MGMT: variants seen among roughly 807,000 people sequenced by gnomAD.
MGMT encodes methylated-DNA--protein-cysteine methyltransferase.
In MGMT, 14 loss-of-function variants were observed where a neutral mutation model predicts 15.9. That is an observed-to-expected ratio of 0.88 (90% confidence interval 0.58 to 1.37). MGMT has a LOEUF of 1.37. Among genes scored for constraint, MGMT ranks in the 40% most tolerant of loss-of-function variants. MGMT has a pLI of 0.00. For missense variants in MGMT, 282 were observed against 268.1 expected, an observed-to-expected ratio of 1.05 and a Z score of -0.36; for synonymous variants, 130 against 118.2, an observed-to-expected ratio of 1.10 and a Z score of -0.65.
intron 2 of MGMT, among the ~76,000 whole-genome samples, chr10:129,637,155 C>T (rs1274228023): frequency 6.6e-6 from 1 of 152,196 alleles, no homozygotes; most frequent in African/African-American, 2.4e-5. Context: ...GTGGAGTTCA[C>T]ACCTCTTAAT....
intron 3 of MGMT, among the ~76,000 whole-genome samples, chr10:129,746,163 C>G (rs1342679267): frequency 6.6e-6 from 1 of 150,442 alleles, no homozygotes; most frequent in Non-Finnish European, 1.5e-5. Flanking sequence ...GGCGTGAACC[C>G]GGGAGGCAGA....
At chr10:129,494,739 C>T (rs572201247) in intron 1 of MGMT, among the ~76,000 whole-genome samples, 9 of 152,306 alleles carry the variant, frequency 5.9e-5, no homozygotes, top group East Asian at 1.9e-4. Flanking sequence ...CCAGTCTAGA[C>T]GGATATGATG....
chr10:129,674,286 A>T (rs1242199938), intron 2 of MGMT, among the ~76,000 whole-genome samples: 1 of 151,814 alleles, frequency 6.6e-6, no homozygotes, highest in Non-Finnish European at 1.5e-5. Flanking sequence ...AAAAAAAAAA[A>T]TAGTATAAAC....
At chr10:129,550,993 G>A (rs555252800) in intron 2 of MGMT, among the ~76,000 whole-genome samples, 3 of 152,244 alleles carry the variant, frequency 2.0e-5, no homozygotes, top group Non-Finnish European at 2.9e-5. Flanking sequence ...GCACTTCTTC[G>A]TCAGGACATG....
At chr10:129,707,811 G>A (rs911317576) in intron 2 of MGMT, 84 bp from the exon 3 acceptor site, 146 of 1,572,812 alleles carry the variant, frequency 9.3e-5, no homozygotes, top group Middle Eastern at 2.3e-4. Flanking sequence ...GTGTTTGCCC[G>A]TTTAGATGCA....
intron 2 of MGMT, among the ~76,000 whole-genome samples, chr10:129,633,658 C>T (rs902464705): frequency 6.6e-6 from 1 of 152,082 alleles, no homozygotes; most frequent in African/African-American, 2.4e-5. Flanking sequence ...TCTCACAGCC[C>T]CCAGATAAGT....
intron 3 of MGMT, among the ~76,000 whole-genome samples, chr10:129,740,088 G>A (rs370887872): frequency 7.2e-5 from 11 of 152,316 alleles, no homozygotes; most frequent in East Asian, 3.9e-4. Context: ...GTATTTTCTC[G>A]TTAGCAGAGC....
intron 2 of MGMT, among the ~76,000 whole-genome samples, chr10:129,687,344 A>G (rs961024070): frequency 2.0e-5 from 3 of 151,980 alleles, no homozygotes; most frequent in Non-Finnish European, 4.4e-5. Flanking sequence ...CCGACGTATC[A>G]CCCAAAGTTC....
At chr10:129,594,832 G>C (rs1240590473) in intron 2 of MGMT, among the ~76,000 whole-genome samples, 1 of 152,206 alleles carries the variant, frequency 6.6e-6, no homozygotes, top group East Asian at 1.9e-4. Flanking sequence ...CAAAAAGTTT[G>C]TTGGTGACGC....
intron 1 of MGMT, among the ~76,000 whole-genome samples, chr10:129,492,511 G>T (rs944371431): frequency 6.6e-6 from 1 of 152,158 alleles, no homozygotes; most frequent in Non-Finnish European, 1.5e-5. Context: ...AGCTCTCTAG[G>T]CTCATGAACG....
chr10:129,633,300 A>G (rs1247013307), intron 2 of MGMT, among the ~76,000 whole-genome samples: 1 of 152,232 alleles, frequency 6.6e-6, no homozygotes, highest in East Asian at 1.9e-4. Flanking sequence ...TAATACTGAC[A>G]CATGCTCTCA....
At chr10:129,746,220 CAG>C (rs1455932591) in intron 3 of MGMT, among the ~76,000 whole-genome samples, 1 of 126,064 alleles carries the variant, frequency 7.9e-6, no homozygotes, top group Non-Finnish European at 1.6e-5. Context: ...GCCTAGGGGA[CAG>C]AGCGAGACTC....
intron 1 of MGMT, among the ~76,000 whole-genome samples, chr10:129,526,482 G>A (rs1845872050): frequency 6.6e-6 from 1 of 152,110 alleles, no homozygotes; most frequent in Non-Finnish European, 1.5e-5. Context: ...TACCTTGTTT[G>A]TAAACAGCTT....
At chr10:129,700,195 T>C (rs186665101) in intron 2 of MGMT, 19 of 152,126 alleles carry the variant, frequency 1.2e-4, no homozygotes, top group Non-Finnish European at 2.2e-4. Context: ...AAGGCCGCGG[T>C]TGTGTCTGTC....
intron 1 of MGMT, among the ~76,000 whole-genome samples, chr10:129,492,934 C>T (rs1347162208): frequency 2.0e-5 from 3 of 152,204 alleles, no homozygotes; most frequent in East Asian, 1.9e-4. Context: ...CATGCTTTCT[C>T]CTGTCATCTA....
intron 2 of MGMT, among the ~76,000 whole-genome samples, chr10:129,696,127 C>A (rs1280635906): frequency 6.6e-6 from 1 of 152,096 alleles, no homozygotes; most frequent in African/African-American, 2.4e-5. Flanking sequence ...TTAATGACCC[C>A]CTGGCTCCTC....
chr10:129,559,784 C>T (rs780437547), intron 2 of MGMT, among the ~76,000 whole-genome samples: 24 of 152,148 alleles, frequency 1.6e-4, no homozygotes, highest in Non-Finnish European at 3.4e-4. Context: ...AAAAAACCTA[C>T]AAACTTTTAA....
chr10:129,482,023 C>T (rs1845363725), intron 1 of MGMT, among the ~76,000 whole-genome samples: 1 of 152,038 alleles, frequency 6.6e-6, no homozygotes, highest in South Asian at 2.1e-4. Flanking sequence ...TTCTTCTTTT[C>T]TCATATAAAC....
At chr10:129,589,483 A>C (rs1032691971) in intron 2 of MGMT, among the ~76,000 whole-genome samples, 2 of 152,262 alleles carry the variant, frequency 1.3e-5, no homozygotes, top group African/African-American at 4.8e-5. Flanking sequence ...ACATGACATG[A>C]AATAAAATGT....
Sources: gnomAD v4.1 joint callset for allele counts (sites outside exome capture counted in the v4.1 genomes callset) on GRCh38, gnomAD v4.1.1 for gene constraint, MANE v1.5 for transcripts, NCBI Gene and HGNC (gene_info 2026-07-23, HGNC 2026-07-21) for gene names.